AAK1: variants seen among roughly 807,000 people sequenced by gnomAD.
AAK1 encodes AP2-associated protein kinase 1.
In AAK1, 37 loss-of-function variants were observed where a neutral mutation model predicts 116.0. The observed-to-expected ratio is 0.32, with a 90% CI of 0.25 to 0.42. The LOEUF is 0.42. Ranked by LOEUF, AAK1 falls within the 10% of genes least tolerant of loss-of-function variation. The pLI is 1.00. For synonymous variants in AAK1, 458 were observed against 439.9 expected (o/e 1.04, Z -0.51); for missense variants, 919 against 1,170.6 (o/e 0.79, Z 3.14).
intron 17 of AAK1, among the ~76,000 whole-genome samples, chr2:69,488,153 T>TGTGTGC (rs1320493468): frequency 6.7e-6 from 1 of 150,374 alleles, no homozygotes; most frequent in Non-Finnish European, 1.5e-5. Context: ...TGTGGACGTG[T>TGTGTGC]GTGTGTGTGT....
At chr2:69,512,044 G>T (rs974890749) in intron 13 of AAK1, among the ~76,000 whole-genome samples, 1 of 152,176 alleles carries the variant, frequency 6.6e-6, no homozygotes, top group African/African-American at 2.4e-5. Context: ...AGGTCACAGG[G>T]TTAACTGGAA....
chr2:69,574,875 A>T (rs1269421977), intron 2 of AAK1, among the ~76,000 whole-genome samples: 1 of 151,860 alleles, frequency 6.6e-6, no homozygotes, highest in Non-Finnish European at 1.5e-5. Flanking sequence ...AAACAGGAGG[A>T]TCACTTGAGC....
intron 2 of AAK1, among the ~76,000 whole-genome samples, chr2:69,582,394 T>C (rs1672585785): frequency 6.6e-6 from 1 of 150,800 alleles, no homozygotes; most frequent in South Asian, 2.1e-4. Flanking sequence ...CACGTGTGTG[T>C]GTGCGTGTGT....
intron 2 of AAK1, among the ~76,000 whole-genome samples, chr2:69,635,368 C>T (rs370273537): frequency 2.6e-5 from 4 of 152,162 alleles, no homozygotes; most frequent in East Asian, 3.8e-4. Flanking sequence ...GGTACAGCCG[C>T]TATGGAAAAC....
chr2:69,486,580 C>G (rs1179656785), intron 17 of AAK1, among the ~76,000 whole-genome samples: 1 of 152,138 alleles, frequency 6.6e-6, no homozygotes, highest in Non-Finnish European at 1.5e-5. Context: ...GCTACTTGGA[C>G]TCCCAGGACT....
chr2:69,574,619 TA>T lies in AAK1; in HGVS notation c.164-17642del, dbSNP rs565000686. On this transcript the variant is annotated intron_variant, in intron 2 of 21. Coordinates refer to ENST00000409085, the MANE Select transcript of AAK1 (RefSeq NM_014911.5). ...AAGAGAGAGAGAGAGATATTTGGCT[TA>T]AAAAAAAATAGTTTGTTTATACGAA... Among the ~76,000 whole-genome samples the T allele has an allele frequency of 9.8e-4, 147 of 149,558 alleles. 2 individuals carry two copies. The East Asian group carries it at 0.02, about 20-fold the overall frequency.
intron 3 of AAK1, among the ~76,000 whole-genome samples, chr2:69,554,541 T>C (rs898394131): frequency 2.6e-5 from 4 of 152,248 alleles, no homozygotes; most frequent in African/African-American, 9.6e-5. Flanking sequence ...AGTTTACTGG[T>C]GTTTTCAAAG....
At chr2:69,570,134 T>C (rs114090028) in intron 2 of AAK1, among the ~76,000 whole-genome samples, 2 of 152,236 alleles carry the variant, frequency 1.3e-5, no homozygotes, top group African/African-American at 4.8e-5. Context: ...AATTTGAATA[T>C]TGCCCTTTCC....
chr2:69,468,786 A>T lies in AAK1; in HGVS notation c.*7083T>A, dbSNP rs985932397. On this transcript the variant is annotated 3_prime_UTR_variant, in exon 22 of 22. Transcript: ENST00000409085. ...CTAGGAAGTACCAAGGGGTGTGTGT[A>T]TGTGCCCATATTCAGGGTTGGAGAG... The T allele has an allele frequency of 8.1e-6, 8 of 985,318 alleles. No homozygotes were observed. In the African/African-American group the frequency reaches 1.4e-4, roughly 17 times the overall value. The allele number at this position is 985,318 out of a possible 1,614,324, so 61.0% of individuals were successfully genotyped here.
rs544864432 is a variant in AAK1 at position 69,565,922 on chromosome 2, G to T, written c.164-8944C>A. Among the ~76,000 whole-genome samples the T allele has an allele frequency of 5.4e-5, 8 of 149,482 alleles. No individual in the cohort carries two copies. The Middle Eastern group carries it at 0.018, about 329-fold the overall frequency. The stretch of plus-strand genomic sequence containing the variant: ...CCTCTCCACGGTGAGAGCTTGGGTG[G>T]ACTATTCAGGTGGCAGAGTGTCCTC... On this transcript the variant is annotated intron_variant, in intron 2 of 21. Transcript: ENST00000409085.
chr2:69,571,362 G>C (rs891047340), intron 2 of AAK1, among the ~76,000 whole-genome samples: 39 of 152,190 alleles, frequency 2.6e-4, no homozygotes, highest in Admixed American at 2.3e-3. Context: ...GTGTGTTCCA[G>C]AGAGACAGAC....
Position 69,472,685 on chromosome 2 carries a change from G to A in AAK1, c.*3184C>T, listed in dbSNP as rs1674720265. The A allele has an allele frequency of 1.0e-6, 1 of 985,330 alleles. No individual in the cohort carries two copies. Among genetic ancestry groups the A allele is most frequent in the Non-Finnish European group, 1.2e-6 (1 of 829,898 alleles). 61.0% of individuals were successfully genotyped at this position (985,330 alleles called of 1,614,324 possible). A position where few individuals can be genotyped will look rare whatever the true frequency, so the allele number is the denominator to read the frequency against. ...GAAAAATCAATTTGTCATGTTTTCT[G>A]CTATAGTTACTCCTCTTACATAGCT... On this transcript the variant is annotated 3_prime_UTR_variant, in exon 22 of 22. Coordinates refer to ENST00000409085, the MANE Select transcript of AAK1 (RefSeq NM_014911.5).
intron 2 of AAK1, among the ~76,000 whole-genome samples, chr2:69,580,472 A>T (rs1469195443): frequency 2.0e-5 from 3 of 152,346 alleles, no homozygotes; most frequent in African/African-American, 7.2e-5. Flanking sequence ...ATATGGTGCC[A>T]TAGGAATATT....
chr2:69,471,669 A>T lies in AAK1; in HGVS notation c.*4200T>A. On this transcript the variant is annotated 3_prime_UTR_variant, in exon 22 of 22. Transcript: ENST00000409085. ...AAGGTTAAGGACTCTGGGAAATCAC[A>T]GAAAAACCTTATCAAGAGAGACTTT... 1 of 985,414 alleles carries T rather than the reference A, an allele frequency of 1.0e-6. No homozygotes were observed. The highest frequency in any genetic ancestry group is 4.7e-5 in the South Asian group (1 of 21,288). The allele number at this position is 985,414 out of a possible 1,614,324, so 61.0% of individuals were successfully genotyped here.
chr2:69,510,703 A>ATAAC (rs2104972214), intron 13 of AAK1, among the ~76,000 whole-genome samples: 1 of 152,310 alleles, frequency 6.6e-6, no homozygotes, highest in African/African-American at 2.4e-5. Flanking sequence ...TTTGTTGTTA[A>ATAAC]GGCTCTTTAT....
chr2:69,490,899 T>C (rs1675494214), intron 17 of AAK1, among the ~76,000 whole-genome samples: 1 of 149,738 alleles, frequency 6.7e-6, no homozygotes, highest in Non-Finnish European at 1.5e-5. Flanking sequence ...TCAATCTTTC[T>C]AAAATATATC....
At position 69,473,560 on chromosome 2, in the gene AAK1, TA is replaced by T; in HGVS notation, c.*2308del. The T allele has an allele frequency of 1.0e-6, 1 of 985,444 alleles. No homozygotes were observed. 61.0% of individuals were successfully genotyped at this position (985,444 alleles called of 1,614,324 possible). A position where few individuals can be genotyped will look rare whatever the true frequency, so the allele number is the denominator to read the frequency against. ...TGGCTTCTAGTCTGCTCATTTTCAT[TA>T]ACTGCCTCCATTAAGCTTTACTGAG... On this transcript the variant is annotated 3_prime_UTR_variant, in exon 22 of 22. Coordinates refer to ENST00000409085, the MANE Select transcript of AAK1 (RefSeq NM_014911.5).
At chr2:69,620,191 A>T (rs556661188) in intron 2 of AAK1, among the ~76,000 whole-genome samples, 5 of 152,320 alleles carry the variant, frequency 3.3e-5, no homozygotes, top group African/African-American at 4.8e-5. Flanking sequence ...GTGAATATAG[A>T]GCAAACAGGA....
At chr2:69,573,731 G>A (rs1371473907) in intron 2 of AAK1, among the ~76,000 whole-genome samples, 2 of 152,238 alleles carry the variant, frequency 1.3e-5, no homozygotes, top group African/African-American at 4.8e-5. Context: ...CAGGTTTGGT[G>A]GCTCACACCT....
Sources: gnomAD v4.1 joint callset for allele counts (sites outside exome capture counted in the v4.1 genomes callset) on GRCh38, gnomAD v4.1.1 for gene constraint, MANE v1.5 for transcripts, NCBI Gene and HGNC (gene_info 2026-07-23, HGNC 2026-07-21) for gene names.